The following DFFB variants were observed in gnomAD, a reference collection of about 807,000 sequenced individuals.
DFFB encodes DNA fragmentation factor 40 kDa subunit.
DFFB carries 29 observed loss-of-function variants against 32.7 expected under a neutral mutation model. That is an observed-to-expected ratio of 0.89 (90% CI 0.66 to 1.21). The LOEUF (loss-of-function observed/expected upper bound fraction) is 1.21. Among genes scored for constraint, DFFB ranks in the 50% most tolerant of loss-of-function variants. The pLI is 0.00. For missense variants in DFFB, 398 were observed against 440.6 expected (o/e 0.90, Z 0.87); for synonymous variants, 170 against 177.1 (o/e 0.96, Z 0.32).
At chr1:3,872,629 C>CTCGGCCCT in intron 6 of DFFB, 57 bp downstream of exon 6, 1 of 1,483,648 alleles carries the variant, frequency 6.7e-7, no homozygotes, top group Non-Finnish European at 9.4e-7. Context: ...CTGTCCCTGC[C>CTCGGCCCT]GTGGCCCTGT....
chr1:3,866,959 G>A (rs1435039514), intron 3 of DFFB, among the ~76,000 whole-genome samples: 2 of 152,150 alleles, frequency 1.3e-5, no homozygotes, highest in Non-Finnish European at 2.9e-5. Context: ...GCAGTGGCGC[G>A]ATCTTGGCTC....
chr1:3,882,286 C>T (rs1645355912), intron 6 of DFFB, among the ~76,000 whole-genome samples: 1 of 151,984 alleles, frequency 6.6e-6, no homozygotes, highest in South Asian at 2.1e-4. Flanking sequence ...AACTCCTGGC[C>T]TCAAGTGATC....
At chr1:3,859,072 C>A (rs1490517125) in intron 2 of DFFB, among the ~76,000 whole-genome samples, 3 of 152,082 alleles carry the variant, frequency 2.0e-5, no homozygotes, top group Non-Finnish European at 4.4e-5. Context: ...TCTTTTTCTT[C>A]AAAAAATCTT....
At chr1:3,873,458 C>T (rs115738971) in intron 6 of DFFB, among the ~76,000 whole-genome samples, 4,245 of 150,948 alleles carry the variant, frequency 0.028, 175 homozygotes, top group African/African-American at 0.098. Flanking sequence ...GATGCTCATC[C>T]GGGCATTTAG....
At chr1:3,871,669 A>G (rs1297806240) in intron 5 of DFFB, among the ~76,000 whole-genome samples, 2 of 152,230 alleles carry the variant, frequency 1.3e-5, no homozygotes, top group African/African-American at 4.8e-5. Context: ...TCTCAGTAAG[A>G]TCACCTGACT....
rs558061030 is a variant in DFFB at position 3,869,617 on chromosome 1, C to T, written c.523C>T (p.Pro175Ser). ...RSYLREVSSY[P>S]STVGAEAQEE... The stretch of plus-strand genomic sequence containing the variant: ...TTGGTTCCTCCAGGTGAGCTCCTAC[C>T]CCTCCACGGTGGGTGCGGAGGCTCA... The change falls in exon 5 of 7, where the codon CCC (proline) becomes TCC (serine). Residue 175 changes from proline (P) to serine (S), a missense_variant. Pro to Ser is a moderately conservative substitution (Grantham distance 74). Transcript: ENST00000378209. The T allele has an allele frequency of 1.2e-6, 2 of 1,611,138 alleles. No individual in the cohort carries two copies. Among genetic ancestry groups the T allele is most frequent in the African/African-American group, 2.7e-5 (2 of 74,856 alleles).
rs1044036689 is a variant in DFFB at position 3,865,146 on chromosome 1, G to A, written c.242-666G>A. 6.6e-6 allele frequency among the ~76,000 whole-genome samples: 1 copy of A among 151,890 alleles called. No individual in the cohort carries two copies. The highest frequency in any genetic ancestry group is 2.4e-5 in the African/African-American group (1 of 41,310). On this transcript the variant is annotated intron_variant, in intron 2 of 6. Coordinates refer to ENST00000378209, the MANE Select transcript of DFFB (RefSeq NM_004402.4). The surrounding 1 kb of genome is among the most constrained non-coding windows in gnomAD (Gnocchi z 4.7). ...GTGTTGATTTTCTCTTTTACGCAGT[G>A]CTTTTGATGTTAGGTCTAAGGACTT...
chr1:3,878,918 C>T (rs943318601), intron 6 of DFFB, among the ~76,000 whole-genome samples: 6 of 152,202 alleles, frequency 3.9e-5, no homozygotes, highest in Admixed American at 1.3e-4. Context: ...CCACGAGTGG[C>T]TGTGAGGGGT....
intron 6 of DFFB, among the ~76,000 whole-genome samples, chr1:3,875,338 C>T (rs1645201524): frequency 6.6e-6 from 1 of 152,188 alleles, no homozygotes; most frequent in Non-Finnish European, 1.5e-5. Flanking sequence ...AGACATAACC[C>T]AGGTGCCTGG....
rs537042057 is a variant in DFFB, at chr1:3,882,135, C to T, written c.783-1372C>T. 9.9e-5 allele frequency among the ~76,000 whole-genome samples: 15 copies of T among 152,248 alleles called. No individual in the cohort carries two copies. The East Asian group carries it at 1.2e-3, about 12-fold the overall frequency. ...TACGATCTTGGCTCACTGCAACCTC[C>T]GCCTCCTGGGTTCAAGTGATTTTCG... is the stretch of plus-strand genomic sequence containing the variant. On this transcript the variant is annotated intron_variant, in intron 6 of 6. Coordinates refer to ENST00000378209, the MANE Select transcript of DFFB (RefSeq NM_004402.4).
intron 2 of DFFB, among the ~76,000 whole-genome samples, chr1:3,861,157 A>AT (rs1557708402): frequency 7.2e-6 from 1 of 138,054 alleles, no homozygotes; most frequent in Non-Finnish European, 1.7e-5. Flanking sequence ...CCATCTCAAA[A>AT]AAAAAAAAAA....
At chr1:3,872,878 C>T in intron 6 of DFFB, 1 of 1,221,608 alleles carries the variant, frequency 8.2e-7, no homozygotes. Context: ...GCGTCCTTCC[C>T]CAGAACACAG....
chr1:3,857,640 CT>C lies in DFFB; in HGVS notation c.38del (p.Leu13ArgfsTer43). 6.2e-7 allele frequency: 1 copy of C among 1,602,006 alleles called. No individual in the cohort carries two copies. The highest frequency in any genetic ancestry group is 8.5e-7 in the Non-Finnish European group (1 of 1,174,796). On this transcript the variant is annotated frameshift_variant, in exon 1 of 7. Coordinates refer to ENST00000378209, the MANE Select transcript of DFFB (RefSeq NM_004402.4). LOFTEE classifies it high-confidence loss of function. ...GCCCAAGAGCGTGAAGCTGCGGGCC[CT>C]GCGCAGCCCGAGGAAGTTCGGCGTG... Reference protein sequence around the residue: ...QKPKSVKLRALRSPRKFGVAG... With the variant: ...QKPKSVKLRAXRSPRKFGVAG...
chr1:3,867,559 A>G, intron 3 of DFFB: 1 of 170,050 alleles, frequency 5.9e-6, no homozygotes, highest in Non-Finnish European at 1.3e-5. Flanking sequence ...ACTTCTCAAG[A>G]TGATGCAATC....
chr1:3,866,732 C>G (rs1394001838), intron 3 of DFFB, among the ~76,000 whole-genome samples: 1 of 152,128 alleles, frequency 6.6e-6, no homozygotes, highest in East Asian at 1.9e-4. Flanking sequence ...CCCCCTTCCC[C>G]CTCCGCCAGC....
intron 1 of DFFB, 89 bp from the exon 2 acceptor site, chr1:3,858,629 A>G: frequency 1.3e-6 from 2 of 1,488,740 alleles, no homozygotes; most frequent in South Asian, 1.3e-5. Flanking sequence ...CTTTAAGCAC[A>G]GCTCATTCCG....
intron 6 of DFFB, among the ~76,000 whole-genome samples, chr1:3,877,829 ACTGTGCCGGCTTTCTATT>A (rs70940337): frequency 0.14 from 20,641 of 149,188 alleles, 1,514 homozygotes; most frequent in South Asian, 0.16. Flanking sequence ...CCTCAGTTCC[ACTGTGCCGGCTTTCTATT>A]CTGTGCCGGC....
chr1:3,872,376 G>GA, intron 5 of DFFB, 96 bp from the exon 6 acceptor site: 1 of 873,252 alleles, frequency 1.1e-6, no homozygotes, highest in South Asian at 1.5e-5. Flanking sequence ...TCGGGCCACT[G>GA]CACTCCAGCC....
At chr1:3,881,498 A>G (rs1216111905) in intron 6 of DFFB, among the ~76,000 whole-genome samples, 2 of 152,206 alleles carry the variant, frequency 1.3e-5, no homozygotes, top group Non-Finnish European at 2.9e-5. Flanking sequence ...CCCCTGGACC[A>G]TAGCTTGCCT....
Sources: allele counts gnomAD v4.1 joint callset (sites outside exome capture counted in the v4.1 genomes callset), GRCh38; gene constraint gnomAD v4.1.1; non-coding constraint Gnocchi (gnomAD v3.1); transcripts MANE v1.5; gene names NCBI Gene and HGNC (gene_info 2026-07-23, HGNC 2026-07-21).